NFRKB: variants seen among roughly 807,000 people sequenced by gnomAD.
NFRKB encodes the protein nuclear factor related to kappa-B-binding protein.
NFRKB carries 62 observed loss-of-function variants against 135.7 expected under a neutral mutation model. That is an observed-to-expected ratio of 0.46 (90% CI 0.37 to 0.56). The LOEUF is 0.56. NFRKB is among the 20% of genes least tolerant of loss of function. The probability of loss-of-function intolerance (pLI) is 0.00; values close to 1 mark genes in which losing one functional copy is unlikely to be tolerated. For synonymous variants in NFRKB, 678 were observed against 635.6 expected (o/e 1.07, Z -1.00); for missense variants, 1,545 against 1,662.0 (o/e 0.93, Z 1.22).
In NFRKB at chr11:129,869,717, T is replaced by C. The variant is rs1205147606; in HGVS notation, c.3308A>G (p.Gln1103Arg). 6.2e-7 allele frequency: 1 copy of C among 1,614,236 alleles called. No homozygotes were observed. Among genetic ancestry groups the C allele is most frequent in the Non-Finnish European group, 8.5e-7 (1 of 1,180,036 alleles). ...GGCGTGGGTTGCAACGGTGATGGTCTGGCCTGCTTTGGGAGGCATCACTCC... is the reference window on the plus strand; with the variant it reads ...GGCGTGGGTTGCAACGGTGATGGTCCGGCCTGCTTTGGGAGGCATCACTCC... ...GLGVMPPKAG[Q>R]TITVATHAKQ... Residue 1103 changes from glutamine to arginine, a missense_variant, in exon 24 of 27, where the codon CAG becomes CGG. Transcript: ENST00000682444.
At chr11:129,878,146 C>T (rs994810073) in intron 15 of NFRKB, among the ~76,000 whole-genome samples, 163 bp downstream of exon 15, 1 of 152,196 alleles carries the variant, frequency 6.6e-6, no homozygotes, top group Non-Finnish European at 1.5e-5. Context: ...CAAGGAGTCC[C>T]GTTCACTCAG....
chr11:129,880,341 T>G (rs78365134), intron 13 of NFRKB, among the ~76,000 whole-genome samples: 1 of 152,124 alleles, frequency 6.6e-6, no homozygotes, highest in African/African-American at 2.4e-5. Flanking sequence ...CCATTCTCCT[T>G]CATTCCCCAC....
At chr11:129,890,722 C>A (rs997348483) in intron 3 of NFRKB, among the ~76,000 whole-genome samples, 1 of 152,108 alleles carries the variant, frequency 6.6e-6, no homozygotes, top group Non-Finnish European at 1.5e-5. Flanking sequence ...ACTTAATAAA[C>A]GGTAGCCACC....
At chr11:129,868,569 C>T (rs961840272) in intron 24 of NFRKB, among the ~76,000 whole-genome samples, 2 of 152,160 alleles carry the variant, frequency 1.3e-5, no homozygotes, top group African/African-American at 4.8e-5. Context: ...TAGCACTCTC[C>T]GCTTCAGAAA....
rs1948686570 is a variant in NFRKB at position 129,874,846 on chromosome 11, A to G, written c.1925T>C (p.Ile642Thr). The G allele has an allele frequency of 1.9e-6, 3 of 1,614,176 alleles. No homozygotes were observed. The highest frequency in any genetic ancestry group is 2.5e-6 in the Non-Finnish European group (3 of 1,180,028). ...YEKDPCVKYD[I>T]GRKLWIYLHR... Reference sequence around the variant, plus strand: ...CAGGTAGATCCACAGCTTTCGTCCAATGTCGTATTTCACACAGGGATCTTT... The same window carrying G: ...CAGGTAGATCCACAGCTTTCGTCCAGTGTCGTATTTCACACAGGGATCTTT... The change falls in exon 19 of 27, where the codon ATT becomes ACT. Residue 642 changes from isoleucine to threonine, a missense_variant. Physicochemically the swap from Ile to Thr is moderately conservative, Grantham distance 89. Around this residue, in one of 3 missense-constraint regions of NFRKB, gnomAD observed 114 missense variants for 211.0 expected, o/e 0.54. Coordinates refer to ENST00000682444, the MANE Select transcript of NFRKB (RefSeq NM_001143835.2). The surrounding 1 kb of genome is among the most constrained non-coding windows in gnomAD (Gnocchi z 4.5).
intron 9 of NFRKB, 69 bp from the exon 10 acceptor site, chr11:129,882,700 G>A: frequency 6.8e-7 from 1 of 1,464,870 alleles, no homozygotes; most frequent in Non-Finnish European, 9.2e-7. Flanking sequence ...GGTCTTATCT[G>A]CATATTCTTT....
At chr11:129,879,156 C>T (rs1193133424) in intron 13 of NFRKB, among the ~76,000 whole-genome samples, 4 of 152,156 alleles carry the variant, frequency 2.6e-5, no homozygotes. Context: ...GCATAGAAGC[C>T]ACAGGACCAT....
Position 129,882,630 on chromosome 11 carries a change from G to A in NFRKB, c.903C>T (p.Ala301=), listed in dbSNP as rs1378689195. The A allele has an allele frequency of 3.1e-6, 5 of 1,612,630 alleles. No homozygotes were observed. Among genetic ancestry groups the A allele is most frequent in the East Asian group, 2.2e-5 (1 of 44,882 alleles). ...VNAGRKGSLA[A]LYDLAVLKKK... is the part of the protein sequence containing the mutation. ...TTTTAAGGACAGCCAAGTCATATAA[G>A]GCTAGAAAGGCAAAGTAACACCAGT... The change falls in exon 10 of 27, where the codon GCC becomes GCT. Residue 301 remains alanine (A), a splice_region_variant and synonymous_variant. Transcript: ENST00000682444.
At chr11:129,891,474 G>A (rs1249993160) in intron 3 of NFRKB, among the ~76,000 whole-genome samples, 1 of 152,190 alleles carries the variant, frequency 6.6e-6, no homozygotes, top group Non-Finnish European at 1.5e-5. Context: ...TCCCTACTCA[G>A]TTGTTGGGAT....
intron 4 of NFRKB, among the ~76,000 whole-genome samples, chr11:129,886,783 G>C (rs1310998069): frequency 6.6e-6 from 1 of 152,124 alleles, no homozygotes; most frequent in African/African-American, 2.4e-5. Flanking sequence ...ACTGTTTCGG[G>C]GGAAACATGC....
chr11:129,876,985 A>G (rs1422013228), intron 16 of NFRKB, 90 bp from the exon 17 acceptor site: 9 of 1,211,532 alleles, frequency 7.4e-6, no homozygotes, highest in Non-Finnish European at 1.1e-5. Flanking sequence ...TCCACATGGA[A>G]CAATTAAAAC....
rs1436849707 is a variant in NFRKB at position 129,875,464 on chromosome 11, C to G, written c.1748-1G>C. The G allele has an allele frequency of 6.3e-7, 1 of 1,596,238 alleles. No individual in the cohort carries two copies. The highest frequency in any genetic ancestry group is 1.3e-5 in the African/African-American group (1 of 74,906). On this transcript the variant is annotated splice_acceptor_variant, in intron 17 of 26. Coordinates refer to ENST00000682444, the MANE Select transcript of NFRKB (RefSeq NM_001143835.2). LOFTEE classifies it high-confidence loss of function. ...GGCAGTCGAGCCGCAGCGTCCCGAA[C>G]TGATGACATGAGAAAGCACACAGTC...
rs886915831 is a variant in NFRKB at position 129,882,504 on chromosome 11, G to A, written c.1029C>T (p.Val343=). 10 of 1,613,884 alleles carry A rather than the reference G, an allele frequency of 6.2e-6. No individual in the cohort carries two copies. The East Asian group carries it at 1.1e-4, about 18-fold the overall frequency. The change falls in exon 10 of 27, where the codon GTC becomes GTT. Residue 343 remains valine, a synonymous_variant. Coordinates refer to ENST00000682444, the MANE Select transcript of NFRKB (RefSeq NM_001143835.2). ...LAEPLSSTEG[V]APLSQAPSPL... ...GAGAGGGGGCCTGTGAGAGAGGTGC[G>A]ACCCCTTCAGTACTGCTTAGCGGCT... is the stretch of plus-strand genomic sequence containing the variant.
In NFRKB at chr11:129,892,767, T is replaced by A; in HGVS notation, c.83A>T (p.Asp28Val). 6.2e-7 allele frequency: 1 copy of A among 1,614,148 alleles called. No homozygotes were observed. The highest frequency in any genetic ancestry group is 8.5e-7 in the Non-Finnish European group (1 of 1,180,030). Reference sequence around the variant, plus strand: ...AACTCTGGTGCCTCCCAGGAGGCAATCCTCCATGATGCGCGTGCCATGGCC... The same window carrying A: ...AACTCTGGTGCCTCCCAGGAGGCAAACCTCCATGATGCGCGTGCCATGGCC... ...GDGHGTRIMEDCLLGGTRVSL... is the reference protein window; with the variant it reads ...GDGHGTRIMEVCLLGGTRVSL... The change falls in exon 3 of 27, where the codon GAT becomes GTT. Residue 28 changes from aspartate (D) to valine (V), a missense_variant. Transcript: ENST00000682444.
intron 1 of NFRKB, among the ~76,000 whole-genome samples, chr11:129,894,674 C>T (rs1348427013): frequency 6.6e-6 from 1 of 152,174 alleles, no homozygotes; most frequent in African/African-American, 2.4e-5. Flanking sequence ...AACTGTGCCC[C>T]CTCATCACCC....
At position 129,865,862 on chromosome 11, in the gene NFRKB, T is replaced by C. The variant is rs1207277348; in HGVS notation, c.3638+15A>G. ...CACCCCCGAATTGGTTCCTTTACCA[T>C]GACATAGTACTTACTTGGCTCCAAG... On this transcript the variant is annotated intron_variant, in intron 25 of 26. Transcript: ENST00000682444. 2 of 1,613,140 alleles carry C rather than the reference T, an allele frequency of 1.2e-6. No homozygotes were observed. The highest frequency in any genetic ancestry group is 3.3e-5 in the Admixed American group (2 of 59,990).
chr11:129,887,809 G>A (rs746983520), intron 4 of NFRKB, among the ~76,000 whole-genome samples: 16 of 152,178 alleles, frequency 1.1e-4, no homozygotes, highest in East Asian at 3.9e-4. Context: ...AGGCCGAGGC[G>A]GGCAGATCAC....
chr11:129,885,512 G>A lies in NFRKB; in HGVS notation c.563C>T (p.Thr188Ile). ...SRTPEEREWRTQQRYLKVLRE... is the reference protein window; with the variant it reads ...SRTPEEREWRIQQRYLKVLRE... The stretch of plus-strand genomic sequence containing the variant: ...TAAGACCTTCAAGTAGCGCTGCTGG[G>A]TCCGCCACTCCCGCTCCTCAGGTGT... Residue 188 changes from threonine to isoleucine, a missense_variant, in exon 6 of 27, where the codon ACC becomes ATC. Coordinates refer to ENST00000682444, the MANE Select transcript of NFRKB (RefSeq NM_001143835.2). 6.2e-7 allele frequency: 1 copy of A among 1,614,114 alleles called. No individual in the cohort carries two copies. The highest frequency in any genetic ancestry group is 8.5e-7 in the Non-Finnish European group (1 of 1,179,958).
intron 5 of NFRKB, 49 bp downstream of exon 5, chr11:129,886,265 CATG>C (rs1949273034): frequency 1.3e-6 from 2 of 1,571,114 alleles, no homozygotes; most frequent in Non-Finnish European, 8.7e-7. Flanking sequence ...TTCTTGAAGT[CATG>C]ATACCTGTGA....
Sources: gnomAD v4.1 joint callset for allele counts (sites outside exome capture counted in the v4.1 genomes callset) on GRCh38, gnomAD v4.1.1 for gene constraint, gnomAD v4.1.1 regional missense constraint, Gnocchi (gnomAD v3.1) non-coding constraint, MANE v1.5 for transcripts, NCBI Gene and HGNC (gene_info 2026-07-23, HGNC 2026-07-21) for gene names.